The following FHIP1A variants were observed in gnomAD, a reference collection of about 807,000 sequenced individuals.
FHIP1A encodes the protein FHF complex subunit HOOK-interacting protein 1A.
In FHIP1A, 61 loss-of-function variants were observed where a neutral mutation model predicts 88.6. That is an observed-to-expected ratio of 0.69 (90% CI 0.56 to 0.85). The LOEUF is 0.85. Among genes scored for constraint, FHIP1A ranks in the 40% least tolerant of loss-of-function variants. The pLI is 0.00. For missense variants in FHIP1A, 1,154 were observed against 1,273.5 expected (o/e 0.91, Z 1.43); for synonymous variants, 478 against 496.0 (o/e 0.96, Z 0.48).
At chr4:151,592,960 C>T (rs899939870) in intron 7 of FHIP1A, among the ~76,000 whole-genome samples, 4 of 152,094 alleles carry the variant, frequency 2.6e-5, no homozygotes, top group Non-Finnish European at 5.9e-5. Context: ...GGAAGGGGTC[C>T]AGTTTCAGTT....
intron 3 of FHIP1A, among the ~76,000 whole-genome samples, chr4:151,536,057 A>G (rs1732056263): frequency 6.6e-6 from 1 of 152,062 alleles, no homozygotes; most frequent in African/African-American, 2.4e-5. Context: ...GCCATTTTAT[A>G]TTCCCGGTGA....
intron 3 of FHIP1A, among the ~76,000 whole-genome samples, chr4:151,559,336 G>A (rs1366498744): frequency 1.3e-5 from 2 of 152,114 alleles, no homozygotes; most frequent in African/African-American, 2.4e-5. Context: ...TTGCTAAGTA[G>A]TACATAAATA....
At chr4:151,591,047 CT>C (rs1734404520) in intron 7 of FHIP1A, among the ~76,000 whole-genome samples, 1 of 150,552 alleles carries the variant, frequency 6.6e-6, no homozygotes, top group South Asian at 2.1e-4. Flanking sequence ...TTTTTTCCTT[CT>C]TAATTAATTT....
Position 151,578,071 on chromosome 4 carries a change from T to G in FHIP1A, c.727T>G (p.Cys243Gly). Reference sequence around the variant, plus strand: ...TCACATCGTGGAGAACACCTACTTTTGTCCAGTAAGTCTCTTTCCTTGGCA... The same window carrying G: ...TCACATCGTGGAGAACACCTACTTTGGTCCAGTAAGTCTCTTTCCTTGGCA... ...AHHIVENTYF[C>G]PVLATGLSGL... The change falls in exon 5 of 14, where the codon TGT (cysteine) becomes GGT (glycine). Residue 243 changes from cysteine (C) to glycine (G), a missense_variant. Coordinates refer to ENST00000435205, the MANE Select transcript of FHIP1A (RefSeq NM_001109977.3). 6.5e-7 allele frequency: 1 copy of G among 1,549,176 alleles called. No individual in the cohort carries two copies. Among genetic ancestry groups the G allele is most frequent in the South Asian group, 1.2e-5 (1 of 83,970 alleles).
rs116747002 is a variant in FHIP1A, at chr4:151,621,198, G to A, written c.979-8504G>A. Among the ~76,000 whole-genome samples, 449 of 152,154 alleles carry A rather than the reference G, an allele frequency of 3.0e-3. 1 individual carries two copies. The highest frequency in any genetic ancestry group is 9.9e-3 in the African/African-American group (411 of 41,508). Reference sequence around the variant, plus strand: ...GGGCTTGCTGTCCCCTCATTTTTGTGTCTGACTTGCGTTTCAGGTGAGGTA... The same window carrying A: ...GGGCTTGCTGTCCCCTCATTTTTGTATCTGACTTGCGTTTCAGGTGAGGTA... On this transcript the variant is annotated intron_variant, in intron 7 of 13. Transcript: ENST00000435205.
At chr4:151,639,041 G>GAAGTATTAT (rs1736472377) in intron 9 of FHIP1A, among the ~76,000 whole-genome samples, 1 of 152,178 alleles carries the variant, frequency 6.6e-6, no homozygotes, top group African/African-American at 2.4e-5. Context: ...AAAATGTTCA[G>GAAGTATTAT]AAGTATTATA....
At chr4:151,628,429 A>G (rs1295912724) in intron 7 of FHIP1A, among the ~76,000 whole-genome samples, 2 of 151,956 alleles carry the variant, frequency 1.3e-5, no homozygotes, top group Non-Finnish European at 1.5e-5. Flanking sequence ...GCATCCACTC[A>G]GGGCTCATCT....
chr4:151,528,721 A>C (rs1483118275), intron 3 of FHIP1A, among the ~76,000 whole-genome samples: 1 of 151,986 alleles, frequency 6.6e-6, no homozygotes, highest in Admixed American at 6.6e-5. Context: ...TTTTGTTTGG[A>C]GGGTGTTGAA....
At chr4:151,578,149 C>A in intron 5 of FHIP1A, 73 bp downstream of exon 5, 1 of 1,338,406 alleles carries the variant, frequency 7.5e-7, no homozygotes, top group Non-Finnish European at 1.0e-6. Context: ...TGAATACTTT[C>A]TTACTCCCTT....
At chr4:151,434,766 C>T (rs1733737029) in intron 1 of FHIP1A, among the ~76,000 whole-genome samples, 1 of 152,154 alleles carries the variant, frequency 6.6e-6, no homozygotes, top group Non-Finnish European at 1.5e-5. Context: ...CAGATCTTGC[C>T]TCAGAACACT....
At chr4:151,648,932 A>G (rs1736893744) in intron 10 of FHIP1A, among the ~76,000 whole-genome samples, 1 of 152,122 alleles carries the variant, frequency 6.6e-6, no homozygotes, top group Admixed American at 6.5e-5. Context: ...ATTTTACTCT[A>G]AGAGACCATT....
At chr4:151,628,949 G>A (rs1048466777) in intron 7 of FHIP1A, among the ~76,000 whole-genome samples, 3 of 152,046 alleles carry the variant, frequency 2.0e-5, no homozygotes, top group African/African-American at 4.8e-5. Context: ...TCAAATCCTC[G>A]GCTTCTTGAA....
chr4:151,556,339 C>T (rs1732947019), intron 3 of FHIP1A, among the ~76,000 whole-genome samples: 1 of 152,154 alleles, frequency 6.6e-6, no homozygotes, highest in South Asian at 2.1e-4. Context: ...CTTTCCCTCA[C>T]TTTTGAAAAT....
At chr4:151,503,381 G>T (rs1730717702) in intron 3 of FHIP1A, among the ~76,000 whole-genome samples, 1 of 152,152 alleles carries the variant, frequency 6.6e-6, no homozygotes, top group Non-Finnish European at 1.5e-5. Flanking sequence ...TATTCTCCAT[G>T]TAGGAAAGAG....
At chr4:151,542,987 A>G (rs1429983813) in intron 3 of FHIP1A, among the ~76,000 whole-genome samples, 1 of 152,228 alleles carries the variant, frequency 6.6e-6, no homozygotes, top group Non-Finnish European at 1.5e-5. Flanking sequence ...GTGAACTACT[A>G]TTGTTATTAT....
intron 2 of FHIP1A, among the ~76,000 whole-genome samples, chr4:151,481,628 A>G (rs1185593432): frequency 4.6e-5 from 7 of 152,032 alleles, no homozygotes; most frequent in Non-Finnish European, 7.4e-5. Flanking sequence ...AAGAATGGCT[A>G]CTCCATAGGC....
intron 7 of FHIP1A, among the ~76,000 whole-genome samples, chr4:151,613,788 G>A (rs1029335149): frequency 1.3e-5 from 2 of 152,206 alleles, no homozygotes; most frequent in African/African-American, 4.8e-5. Context: ...TAGGGCATGA[G>A]CATGGGTATT....
chr4:151,561,280 T>G (rs1390331035), intron 3 of FHIP1A, among the ~76,000 whole-genome samples: 1 of 152,202 alleles, frequency 6.6e-6, no homozygotes, highest in African/African-American at 2.4e-5. Context: ...CGTTTTACAG[T>G]GAATGAGCTG....
intron 5 of FHIP1A, among the ~76,000 whole-genome samples, chr4:151,583,290 G>A (rs1203097928): frequency 3.3e-5 from 5 of 152,224 alleles, no homozygotes; most frequent in Admixed American, 2.6e-4. Context: ...CCATTCTGAA[G>A]GAGATAGCAG....
Sources: allele counts gnomAD v4.1 joint callset (sites outside exome capture counted in the v4.1 genomes callset), GRCh38; gene constraint gnomAD v4.1.1; transcripts MANE v1.5; gene names NCBI Gene and HGNC (gene_info 2026-07-23, HGNC 2026-07-21).